THEMIS: variants seen among roughly 807,000 people sequenced by gnomAD.
The protein encoded by THEMIS is protein THEMIS.
A neutral mutation model predicts 52.6 loss-of-function variants in THEMIS; 37 were observed. The observed-to-expected ratio is 0.70, with a 90% CI of 0.54 to 0.93. The LOEUF is 0.93. THEMIS is among the 40% of genes least tolerant of loss of function. The pLI, the probability that THEMIS is intolerant of heterozygous loss-of-function variation, is 0.00. For synonymous variants in THEMIS, 292 were observed against 272.7 expected, an observed-to-expected ratio of 1.07 and a Z score of -0.70; for missense variants, 808 against 763.1, an observed-to-expected ratio of 1.06 and a Z score of -0.69.
intron 4 of THEMIS, among the ~76,000 whole-genome samples, chr6:127,811,956 A>G (rs1777922296): frequency 6.6e-6 from 1 of 152,230 alleles, no homozygotes; most frequent in African/African-American, 2.4e-5. Context: ...ATGTAGAAAT[A>G]AAAGTATTTC....
chr6:127,705,967 C>T (rs1773792487), downstream of THEMIS, among the ~76,000 whole-genome samples: 2 of 152,134 alleles, frequency 1.3e-5, no homozygotes, highest in Admixed American at 6.5e-5. Flanking sequence ...CTTCTCCTAT[C>T]CTGCTGACTT....
chr6:127,769,352 G>GTT (rs200806423), intron 4 of THEMIS, among the ~76,000 whole-genome samples: 12,152 of 139,940 alleles, frequency 0.087, 537 homozygotes, highest in Non-Finnish European at 0.11. Flanking sequence ...GTTTTTTTTT[G>GTT]TTTTTTTTTT....
intron 4 of THEMIS, among the ~76,000 whole-genome samples, chr6:127,757,823 A>T (rs1340787947): frequency 6.6e-6 from 1 of 152,152 alleles, no homozygotes; most frequent in Non-Finnish European, 1.5e-5. Flanking sequence ...TCATATAGAC[A>T]AGTCTAATAT....
At chr6:127,787,276 G>GCA (rs142121636) in intron 4 of THEMIS, among the ~76,000 whole-genome samples, 14,578 of 149,098 alleles carry the variant, frequency 0.098, 700 homozygotes, top group African/African-American at 0.14. Context: ...ATGTGTGCAC[G>GCA]CACACACACA....
intron 2 of THEMIS, among the ~76,000 whole-genome samples, chr6:127,832,048 C>A (rs766948263): frequency 6.6e-6 from 1 of 152,026 alleles, no homozygotes; most frequent in Non-Finnish European, 1.5e-5. Flanking sequence ...TTAAAAAATG[C>A]GTACCTAAAA....
chr6:127,806,312 A>AT (rs934345414), intron 4 of THEMIS, among the ~76,000 whole-genome samples: 134 of 152,256 alleles, frequency 8.8e-4, no homozygotes, highest in African/African-American at 2.9e-3. Context: ...ATAAATTCAC[A>AT]TTTTTTTCTG....
intron 1 of THEMIS, among the ~76,000 whole-genome samples, chr6:127,872,674 A>G (rs529723589): frequency 7.6e-4 from 115 of 152,284 alleles, no homozygotes; most frequent in African/African-American, 2.7e-3. Context: ...AACTTTACAG[A>G]TAAAATTATA....
chr6:127,882,033 GA>G (rs556054063), intron 1 of THEMIS, among the ~76,000 whole-genome samples: 324 of 139,410 alleles, frequency 2.3e-3, no homozygotes, highest in Non-Finnish European at 3.6e-3. Flanking sequence ...AGTTTTTAAA[GA>G]AAAAAAAAAC....
At chr6:127,705,654 C>T (rs553451494), downstream of THEMIS, among the ~76,000 whole-genome samples, 149 of 152,258 alleles carry the variant, frequency 9.8e-4, no homozygotes, top group Middle Eastern at 6.8e-3. Flanking sequence ...CAGCCAGCAC[C>T]GCCACAGAGG....
chr6:127,880,513 A>G (rs964831890), intron 1 of THEMIS, among the ~76,000 whole-genome samples: 72 of 134,266 alleles, frequency 5.4e-4, no homozygotes, highest in African/African-American at 1.2e-3. Context: ...AGTCCTGAGG[A>G]AAAAAAAAAA....
chr6:127,761,041 C>T lies in THEMIS; in HGVS notation c.1759-41218G>A, dbSNP rs577457561. On this transcript the variant is annotated intron_variant, in intron 4 of 5. Coordinates refer to ENST00000368248, the MANE Select transcript of THEMIS (RefSeq NM_001010923.3). Reference sequence around the variant, plus strand: ...AGAATGGGAGAAAATGTTTGCAAATCATATACCTGATAAGGGTTAATATCC... The same window carrying T: ...AGAATGGGAGAAAATGTTTGCAAATTATATACCTGATAAGGGTTAATATCC... 2.0e-5 allele frequency among the ~76,000 whole-genome samples: 3 copies of T among 152,154 alleles called. No individual in the cohort carries two copies. In the East Asian group the frequency reaches 5.8e-4, roughly 29 times the overall value.
At chr6:127,901,214 C>T (rs1476166127), upstream of THEMIS, 1 of 468,812 alleles carries the variant, frequency 2.1e-6, no homozygotes, top group Non-Finnish European at 3.8e-6. Flanking sequence ...GGTGAACAGA[C>T]ACTGCCCAAA....
At chr6:127,723,150 TG>T (rs572852940) in intron 4 of THEMIS, among the ~76,000 whole-genome samples, 63 of 152,188 alleles carry the variant, frequency 4.1e-4, no homozygotes, top group African/African-American at 1.5e-3. Context: ...TGGACCTCAC[TG>T]GGATCTGAGA....
intron 1 of THEMIS, among the ~76,000 whole-genome samples, chr6:127,882,396 T>C (rs1259196082): frequency 1.3e-5 from 2 of 151,872 alleles, no homozygotes; most frequent in Non-Finnish European, 1.5e-5. Flanking sequence ...ATAGAGAAAA[T>C]TTAAACTTAT....
chr6:127,783,546 C>G (rs1776819419), intron 4 of THEMIS, among the ~76,000 whole-genome samples: 1 of 152,126 alleles, frequency 6.6e-6, no homozygotes, highest in Non-Finnish European at 1.5e-5. Flanking sequence ...CAAGAAAAAT[C>G]AAACAACCCC....
chr6:127,797,495 T>C (rs1256188619), intron 4 of THEMIS, among the ~76,000 whole-genome samples: 1 of 152,162 alleles, frequency 6.6e-6, no homozygotes, highest in African/African-American at 2.4e-5. Flanking sequence ...TCTTTCAAAA[T>C]AACTTACCCC....
At chr6:127,873,890 CAT>C (rs140773257) in intron 1 of THEMIS, among the ~76,000 whole-genome samples, 137 of 152,160 alleles carry the variant, frequency 9.0e-4, no homozygotes, top group African/African-American at 3.1e-3. Context: ...TTATTGATAC[CAT>C]AAGTTTACAT....
At chr6:127,868,017 C>CAAGTTCAAATCCAGAATCTCCAT (rs1392984940) in intron 1 of THEMIS, among the ~76,000 whole-genome samples, 1 of 152,020 alleles carries the variant, frequency 6.6e-6, no homozygotes, top group African/African-American at 2.4e-5. Flanking sequence ...TCTCTACAGT[C>CAAGTTCAAATCCAGAATCTCCAT]AAGTTCAAAT....
intron 4 of THEMIS, among the ~76,000 whole-genome samples, chr6:127,741,213 AT>A (rs1775191103): frequency 6.6e-6 from 1 of 152,314 alleles, no homozygotes; most frequent in Admixed American, 6.5e-5. Flanking sequence ...TAAGCTTACC[AT>A]TTCCTTTAAA....
Sources: allele counts gnomAD v4.1 joint callset (sites outside exome capture counted in the v4.1 genomes callset), GRCh38; gene constraint gnomAD v4.1.1; transcripts MANE v1.5; gene names NCBI Gene and HGNC (gene_info 2026-07-23, HGNC 2026-07-21).